Variants in SETD2 observed in about 807,000 individuals in gnomAD.
SETD2 encodes the protein histone-lysine N-methyltransferase SETD2.
Under a neutral mutation model 242.1 loss-of-function variants are expected in SETD2, and 31 were observed. The observed-to-expected ratio is 0.13, with a 90% CI of 0.10 to 0.17. The LOEUF is 0.17. Ranked by LOEUF, SETD2 falls within the 10% of genes least tolerant of loss-of-function variation. The pLI, the probability that SETD2 is intolerant of heterozygous loss-of-function variation, is 1.00. For missense variants in SETD2, 2,481 were observed against 3,046.3 expected (o/e 0.81, Z 4.37); for synonymous variants, 1,006 against 1,066.5 (o/e 0.94, Z 1.11).
At chr3:47,096,740 T>C (rs2042022960) in intron 9 of SETD2, among the ~76,000 whole-genome samples, 1 of 151,580 alleles carries the variant, frequency 6.6e-6, no homozygotes, top group Non-Finnish European at 1.5e-5. Context: ...GTGCGAGACG[T>C]TGTCTCAAAA....
chr3:47,043,583 CT>C (rs1354199936), intron 16 of SETD2, among the ~76,000 whole-genome samples: 2 of 152,188 alleles, frequency 1.3e-5, no homozygotes, highest in African/African-American at 2.4e-5. Context: ...CTTGTTCCTT[CT>C]TTCAAGCCTA....
chr3:47,020,769 G>A (rs149032272), intron 18 of SETD2, among the ~76,000 whole-genome samples: 246 of 152,168 alleles, frequency 1.6e-3, no homozygotes, highest in Admixed American at 3.1e-3. Context: ...ACACTTTTTT[G>A]TTAGGGGCAC....
intron 1 of SETD2, 57 bp from the exon 2 acceptor site, chr3:47,126,720 T>A: frequency 1.0e-6 from 1 of 995,150 alleles, no homozygotes; most frequent in Non-Finnish European, 1.5e-6. Flanking sequence ...CATAAATACT[T>A]AAAAACGATT....
chr3:47,138,117 G>A (rs1247615831), intron 1 of SETD2, among the ~76,000 whole-genome samples: 12 of 150,518 alleles, frequency 8.0e-5, no homozygotes, highest in Middle Eastern at 3.4e-3. Flanking sequence ...GACTACAGGC[G>A]CCCGCCGCCA....
At chr3:47,104,753 C>A (rs1293233701) in intron 6 of SETD2, among the ~76,000 whole-genome samples, 1 of 152,110 alleles carries the variant, frequency 6.6e-6, no homozygotes, top group Non-Finnish European at 1.5e-5. Flanking sequence ...TTTCTGGCCA[C>A]AAAACATCAA....
rs1357605885 is a variant in SETD2 at position 47,017,257 on chromosome 3, G to A, written c.7534-3C>T. On this transcript the variant is annotated splice_polypyrimidine_tract_variant and splice_region_variant and intron_variant, in intron 20 of 20. Coordinates refer to ENST00000409792, the MANE Select transcript of SETD2 (RefSeq NM_014159.7). This position sits in a 1 kb window ranked among gnomAD's most constrained non-coding sequence, Gnocchi z 4.8. Reference sequence around the variant, plus strand: ...TTATTCATAACACCGTGAGTCAGCTGTCCAGGGCACAGGAAGAGAGACCAC... The same window carrying A: ...TTATTCATAACACCGTGAGTCAGCTATCCAGGGCACAGGAAGAGAGACCAC... The A allele has an allele frequency of 1.9e-6, 3 of 1,614,004 alleles. No individual in the cohort carries two copies. Among genetic ancestry groups the A allele is most frequent in the Non-Finnish European group, 2.5e-6 (3 of 1,179,964 alleles).
intron 1 of SETD2, among the ~76,000 whole-genome samples, chr3:47,128,195 G>C (rs1265451747): frequency 2.0e-5 from 3 of 152,144 alleles, no homozygotes; most frequent in East Asian, 3.8e-4. Context: ...TTTGGTATCT[G>C]TTCAACAGTT....
In SETD2 at chr3:47,121,130, T is replaced by C. The variant is rs1291041398; in HGVS notation, c.3506A>G (p.Asp1169Gly). ...ELSHPQSDGV[D>G]STSHTDVKSD... is the part of the protein sequence containing the mutation. The stretch of plus-strand genomic sequence containing the variant: ...TTTCACATCTGTATGACTTGTACTA[T>C]CAACCCCATCACTCTGAGGATGAGA... Residue 1169 changes from aspartate to glycine, a missense_variant, in exon 3 of 21, where the codon GAT (aspartate) becomes GGT (glycine). By Grantham distance (94) the Asp-to-Gly change is moderately conservative. Transcript: ENST00000409792. 6.2e-7 allele frequency: 1 copy of C among 1,614,184 alleles called. No homozygotes were observed. The highest frequency in any genetic ancestry group is 1.1e-5 in the South Asian group (1 of 91,082).
In SETD2 at chr3:47,121,406, G is replaced by C. The variant is rs2106649038; in HGVS notation, c.3230C>G (p.Thr1077Ser). 1 of 1,610,568 alleles carries C rather than the reference G, an allele frequency of 6.2e-7. No individual in the cohort carries two copies. The highest frequency in any genetic ancestry group is 1.1e-5 in the South Asian group (1 of 91,070). Reference protein sequence around the residue: ...QSVVVVPKNSTLPMEETSPCS... With the variant: ...QSVVVVPKNSSLPMEETSPCS... ...AGGACTTGTTTCTTCCATGGGCAAAGTAGAATTCTTTGGCACAACCACAAC... is the reference window on the plus strand; with the variant it reads ...AGGACTTGTTTCTTCCATGGGCAAACTAGAATTCTTTGGCACAACCACAAC... The change falls in exon 3 of 21, where the codon ACT (threonine) becomes AGT (serine). Residue 1077 changes from threonine (T) to serine (S), a missense_variant. Coordinates refer to ENST00000409792, the MANE Select transcript of SETD2 (RefSeq NM_014159.7).
At chr3:47,078,872 A>T (rs762778004) in intron 12 of SETD2, among the ~76,000 whole-genome samples, 2 of 151,924 alleles carry the variant, frequency 1.3e-5, no homozygotes, top group Admixed American at 6.6e-5. Flanking sequence ...CTGGGACTAC[A>T]GGCATGTGCC....
intron 6 of SETD2, among the ~76,000 whole-genome samples, chr3:47,104,279 T>C (rs1446789880): frequency 6.6e-6 from 1 of 152,090 alleles, no homozygotes; most frequent in East Asian, 1.9e-4. Flanking sequence ...CAGTGGTTTA[T>C]GTCTGTAATC....
intron 1 of SETD2, among the ~76,000 whole-genome samples, chr3:47,147,264 C>T (rs962060358): frequency 2.6e-5 from 4 of 151,604 alleles, no homozygotes; most frequent in Non-Finnish European, 4.4e-5. Flanking sequence ...CTGCCCTCCT[C>T]AGCCTCCCAA....
At chr3:47,028,960 C>T (rs1030395109) in intron 18 of SETD2, 2 of 202,328 alleles carry the variant, frequency 9.9e-6, no homozygotes, top group Admixed American at 1.3e-4. Flanking sequence ...ACAGCCAACA[C>T]TTCCAAGTTC....
At position 47,037,671 on chromosome 3, in the gene SETD2, T is replaced by G. The variant is rs770211227; in HGVS notation, c.7345A>C (p.Met2449Leu). 6.2e-7 allele frequency: 1 copy of G among 1,611,296 alleles called. No homozygotes were observed. Among genetic ancestry groups the G allele is most frequent in the South Asian group, 1.1e-5 (1 of 91,038 alleles). ...CATGTGTAAGCCACACTCACCTTCATGGGGTTTTCATCATATGTTGGAGTT... is the reference window on the plus strand; with the variant it reads ...CATGTGTAAGCCACACTCACCTTCAGGGGGTTTTCATCATATGTTGGAGTT... ...LGTPTYDENP[M>L]KASKKPKTAE... The change falls in exon 18 of 21, where the codon ATG becomes CTG. Residue 2449 changes from methionine to leucine, a missense_variant. Physicochemically the swap from Met to Leu is conservative, Grantham distance 15. Coordinates refer to ENST00000409792, the MANE Select transcript of SETD2 (RefSeq NM_014159.7).
At position 47,040,569 on chromosome 3, in the gene SETD2, A is replaced by ATTTTTTTTTTTTTTTT. The variant is rs34309892; in HGVS notation, c.7238+1976_7238+1991dup. 3.2e-4 allele frequency among the ~76,000 whole-genome samples: 29 copies of ATTTTTTTTTTTTTTTT among 91,718 alleles called. 1 individual carries two copies. The highest frequency in any genetic ancestry group is 1.2e-3 in the African/African-American group (28 of 22,840). 60.2% of individuals were successfully genotyped at this position (91,718 alleles called of 152,430 possible). A position where few individuals can be genotyped will look rare whatever the true frequency, so the allele number is the denominator to read the frequency against. ...AAAATAGATGACATGAGGGAAAAGG[A>ATTTTTTTTTTTTTTTT]TTTTTTTTTTTTTTTTTTTTTTGGA... On this transcript the variant is annotated intron_variant, in intron 17 of 20. Coordinates refer to ENST00000409792, the MANE Select transcript of SETD2 (RefSeq NM_014159.7).
rs2106639620 is a variant in SETD2, at chr3:47,121,082, T to C, written c.3554A>G (p.Asn1185Ser). 1 of 1,614,068 alleles carries C rather than the reference T, an allele frequency of 6.2e-7. No homozygotes were observed. Among genetic ancestry groups the C allele is most frequent in the South Asian group, 1.1e-5 (1 of 91,082 alleles). ...DVKSDPLGHP[N>S]SEETVKAKIP... ...TTTGGCTTTCACGGTTTCCTCTGAA[T>C]TTGGGTGACCCAGAGGGTCAGATTT... The change falls in exon 3 of 21, where the codon AAT becomes AGT. Residue 1185 changes from asparagine (N) to serine (S), a missense_variant. Physicochemically the swap from Asn to Ser is conservative, Grantham distance 46 (BLOSUM62 1). Around this residue, in one of 17 missense-constraint regions of SETD2, gnomAD observed 1,300 missense variants for 1,259.2 expected, o/e 1.03. Coordinates refer to ENST00000409792, the MANE Select transcript of SETD2 (RefSeq NM_014159.7).
intron 18 of SETD2, among the ~76,000 whole-genome samples, chr3:47,033,040 A>G (rs1191710397): frequency 1.3e-5 from 2 of 151,374 alleles, no homozygotes; most frequent in South Asian, 2.1e-4. Flanking sequence ...AAATTTTACT[A>G]AAAAAAAATT....
chr3:47,130,664 C>T (rs2043455340), intron 1 of SETD2, among the ~76,000 whole-genome samples: 1 of 152,042 alleles, frequency 6.6e-6, no homozygotes, highest in Admixed American at 6.5e-5. Flanking sequence ...TATTAAACTT[C>T]CTGTACTCCC....
intron 17 of SETD2, among the ~76,000 whole-genome samples, chr3:47,040,343 T>G (rs371803477): frequency 6.6e-6 from 1 of 152,088 alleles, no homozygotes; most frequent in Non-Finnish European, 1.5e-5. Context: ...TATATGAAAA[T>G]TTTAAGCTTC....
Sources: gnomAD v4.1 joint callset for allele counts (sites outside exome capture counted in the v4.1 genomes callset) on GRCh38, gnomAD v4.1.1 for gene constraint, gnomAD v4.1.1 regional missense constraint, Gnocchi (gnomAD v3.1) non-coding constraint, MANE v1.5 for transcripts, NCBI Gene and HGNC (gene_info 2026-07-23, HGNC 2026-07-21) for gene names.